CSGALNACT1: variants seen among roughly 807,000 people sequenced by gnomAD.
CSGALNACT1 encodes beta4GalNAcT-1.
CSGALNACT1 carries 52 observed loss-of-function variants against 51.0 expected under a neutral mutation model. The observed-to-expected ratio is 1.02, with a 90% CI of 0.82 to 1.29. The LOEUF is 1.29. Ranked by LOEUF, CSGALNACT1 falls within the 50% of genes most tolerant of loss-of-function variation. CSGALNACT1 has a pLI of 0.00. For synonymous variants in CSGALNACT1, 341 were observed against 254.4 expected (o/e 1.34, Z -3.24); for missense variants, 935 against 679.2 (o/e 1.38, Z -4.19).
At chr8:19,738,457 G>A (rs1367961625) in intron 1 of CSGALNACT1, among the ~76,000 whole-genome samples, 1 of 152,124 alleles carries the variant, frequency 6.6e-6, no homozygotes, top group East Asian at 1.9e-4. Context: ...GTAGAATGGT[G>A]GTTGTCAGGG....
chr8:19,628,827 CAGA>C (rs112812307), intron 1 of CSGALNACT1, among the ~76,000 whole-genome samples: 77 of 151,978 alleles, frequency 5.1e-4, no homozygotes, highest in African/African-American at 1.8e-3. Flanking sequence ...GCAGGACAAA[CAGA>C]AGGTCAGGAT....
At chr8:19,446,850 A>G (rs1465899521) in intron 5 of CSGALNACT1, among the ~76,000 whole-genome samples, 1 of 152,168 alleles carries the variant, frequency 6.6e-6, no homozygotes, top group Non-Finnish European at 1.5e-5. Flanking sequence ...GACTCTTTTT[A>G]GGATGTTTTT....
intron 3 of CSGALNACT1, among the ~76,000 whole-genome samples, chr8:19,546,726 A>G (rs1298035710): frequency 2.0e-5 from 3 of 152,188 alleles, no homozygotes; most frequent in South Asian, 2.1e-4. Flanking sequence ...GAAATGTAAT[A>G]AACAAAAACC....
chr8:19,688,531 A>G (rs2061107382), intron 1 of CSGALNACT1, among the ~76,000 whole-genome samples: 1 of 152,190 alleles, frequency 6.6e-6, no homozygotes, highest in Non-Finnish European at 1.5e-5. Context: ...CTGTGCCAGG[A>G]GCCCTGCACT....
At chr8:19,649,983 T>C (rs2057655026) in intron 1 of CSGALNACT1, among the ~76,000 whole-genome samples, 1 of 152,012 alleles carries the variant, frequency 6.6e-6, no homozygotes, top group Non-Finnish European at 1.5e-5. Flanking sequence ...AAAAGGTCTG[T>C]GAGGTAGGGC....
At chr8:19,523,135 C>T (rs140275586) in intron 3 of CSGALNACT1, among the ~76,000 whole-genome samples, 89 of 152,340 alleles carry the variant, frequency 5.8e-4, no homozygotes, top group African/African-American at 2.0e-3. Flanking sequence ...TCTCACGTAA[C>T]AGTGACCTAC....
chr8:19,748,919 C>T (rs1455206209), intron 1 of CSGALNACT1, among the ~76,000 whole-genome samples: 9 of 151,470 alleles, frequency 5.9e-5, no homozygotes, highest in South Asian at 4.2e-4. Flanking sequence ...GAGCCGAGAT[C>T]GCACCACCAC....
intron 5 of CSGALNACT1, among the ~76,000 whole-genome samples, chr8:19,454,530 G>C (rs986016710): frequency 6.6e-6 from 1 of 152,152 alleles, no homozygotes; most frequent in Non-Finnish European, 1.5e-5. Context: ...AATTAGCCAG[G>C]TGTGGTGGTA....
chr8:19,710,918 T>C (rs1311584760), intron 1 of CSGALNACT1, among the ~76,000 whole-genome samples: 1 of 151,344 alleles, frequency 6.6e-6, no homozygotes, highest in Non-Finnish European at 1.5e-5. Context: ...TATGCTCCTC[T>C]CTGATTTTTT....
At chr8:19,659,662 A>G (rs2058596105) in intron 1 of CSGALNACT1, among the ~76,000 whole-genome samples, 1 of 152,216 alleles carries the variant, frequency 6.6e-6, no homozygotes, top group African/African-American at 2.4e-5. Flanking sequence ...TCTCTTTTAC[A>G]TATGAGTATA....
At chr8:19,711,659 T>C (rs1312357860) in intron 1 of CSGALNACT1, among the ~76,000 whole-genome samples, 1 of 152,194 alleles carries the variant, frequency 6.6e-6, no homozygotes, top group Admixed American at 6.5e-5. Context: ...GCCTAACACC[T>C]GGCAGATGCC....
At chr8:19,510,411 T>C (rs2078242218) in intron 3 of CSGALNACT1, among the ~76,000 whole-genome samples, 1 of 152,072 alleles carries the variant, frequency 6.6e-6, no homozygotes, top group African/African-American at 2.4e-5. Context: ...GAATAAACAA[T>C]AGACGACAGT....
At chr8:19,578,443 G>T (rs188733902) in intron 3 of CSGALNACT1, among the ~76,000 whole-genome samples, 1 of 152,122 alleles carries the variant, frequency 6.6e-6, no homozygotes, top group African/African-American at 2.4e-5. Flanking sequence ...AGCCTCTCTT[G>T]CGTGTGGAGT....
At chr8:19,691,656 C>T (rs1264252832) in intron 1 of CSGALNACT1, among the ~76,000 whole-genome samples, 1 of 152,182 alleles carries the variant, frequency 6.6e-6, no homozygotes, top group Non-Finnish European at 1.5e-5. Flanking sequence ...CAAGCCATGA[C>T]ATTCCATGCC....
At chr8:19,521,014 T>A (rs148913784) in intron 3 of CSGALNACT1, among the ~76,000 whole-genome samples, 1 of 152,276 alleles carries the variant, frequency 6.6e-6, no homozygotes, top group Non-Finnish European at 1.5e-5. Flanking sequence ...AATCTGGAAA[T>A]GCAGAATGCC....
intron 1 of CSGALNACT1, among the ~76,000 whole-genome samples, chr8:19,739,129 A>G (rs914985333): frequency 4.6e-5 from 7 of 151,948 alleles, no homozygotes; most frequent in African/African-American, 1.7e-4. Flanking sequence ...TGAAATATAT[A>G]TGATATTTAG....
At chr8:19,703,008 C>A (rs2061966992) in intron 1 of CSGALNACT1, among the ~76,000 whole-genome samples, 1 of 152,104 alleles carries the variant, frequency 6.6e-6, no homozygotes, top group African/African-American at 2.4e-5. Flanking sequence ...TCAACATGAT[C>A]ACCGTGGACA....
At chr8:19,583,884 T>G (rs1210402796) in intron 3 of CSGALNACT1, among the ~76,000 whole-genome samples, 1 of 152,212 alleles carries the variant, frequency 6.6e-6, no homozygotes, top group Non-Finnish European at 1.5e-5. Context: ...ATACTCATAC[T>G]TTGGGTTTGA....
At chr8:19,510,525 G>A (rs567285308) in intron 3 of CSGALNACT1, among the ~76,000 whole-genome samples, 1 of 152,250 alleles carries the variant, frequency 6.6e-6, no homozygotes, top group East Asian at 1.9e-4. Flanking sequence ...TCCAGGAGAT[G>A]AAAAGGTGAA....
Sources: gnomAD v4.1 joint callset for allele counts (sites outside exome capture counted in the v4.1 genomes callset) on GRCh38, gnomAD v4.1.1 for gene constraint, MANE v1.5 for transcripts, NCBI Gene and HGNC (gene_info 2026-07-23, HGNC 2026-07-21) for gene names.